ATP13A5: variants seen among roughly 807,000 people sequenced by gnomAD.
The protein encoded by ATP13A5 is probable cation-transporting ATPase 13A5.
Under a neutral mutation model 150.2 loss-of-function variants are expected in ATP13A5, and 149 were observed. That is an observed-to-expected ratio of 0.99 (90% CI 0.87 to 1.14). The LOEUF is 1.14. ATP13A5 is among the 50% of genes most tolerant of loss of function. The pLI is 0.00. For missense variants in ATP13A5, 1,383 were observed against 1,449.3 expected, an observed-to-expected ratio of 0.95 and a Z score of 0.74; for synonymous variants, 497 against 522.2, an observed-to-expected ratio of 0.95 and a Z score of 0.66.
At chr3:193,318,510 C>T (rs1260062753) in intron 17 of ATP13A5, among the ~76,000 whole-genome samples, 1 of 152,132 alleles carries the variant, frequency 6.6e-6, no homozygotes, top group African/African-American at 2.4e-5. Context: ...GCCCTTGTTA[C>T]CTTCACAGAT....
Position 193,364,220 on chromosome 3 carries a change from G to T in ATP13A5, c.124C>A (p.Leu42Met), listed in dbSNP as rs76759970. The T allele has an allele frequency of 3.4e-4, 545 of 1,614,132 alleles. 2 individuals are homozygous for T. The East Asian group carries it at 0.011, about 31-fold the overall frequency. ...RKAFCLVASV[L>M]TCGGLLLVFY... ...ACCAGCAGAAGGCCCCCACAGGTCA[G>T]CACGGATGCGACAAGGCAGAAGGCT... is the stretch of plus-strand genomic sequence containing the variant. Residue 42 changes from leucine to methionine, a missense_variant, in exon 2 of 30, where the codon CTG becomes ATG. This residue lies in a region of ATP13A5 where 787 missense variants were observed against 771.9 expected (regional missense o/e 1.02). Transcript: ENST00000342358.
Position 193,314,048 on chromosome 3 carries a change from A to G in ATP13A5, c.2304T>C (p.Thr768=). The change falls in exon 19 of 30, where the codon ACT becomes ACC. Residue 768 remains threonine, a synonymous_variant. Coordinates refer to ENST00000342358, the MANE Select transcript of ATP13A5 (RefSeq NM_198505.4). The part of the protein sequence containing the change: ...VTWQLVENQE[T]GPGKKEIYMH... ...ATTTGCTCACTTTCTTCCCAGGTCC[A>G]GTCTCTTGGTTCTCCACCAGCTGCC... The G allele has an allele frequency of 6.2e-7, 1 of 1,613,334 alleles. No individual in the cohort carries two copies. Among genetic ancestry groups the G allele is most frequent in the South Asian group, 1.1e-5 (1 of 91,046 alleles).
At chr3:193,360,687 T>A (rs1330061651) in intron 5 of ATP13A5, among the ~76,000 whole-genome samples, 3 of 152,064 alleles carry the variant, frequency 2.0e-5, no homozygotes, top group Non-Finnish European at 4.4e-5. Context: ...TGGATCAGAT[T>A]TTTTTTTGTG....
In ATP13A5 at chr3:193,362,750, C is replaced by CTTCTTTCTTTCT. The variant is rs751840109; in HGVS notation, c.385-125_385-114dup. 9.0e-4 allele frequency: 568 copies of CTTCTTTCTTTCT among 633,184 alleles called. 35 individuals carry two copies. Among genetic ancestry groups the CTTCTTTCTTTCT allele is most frequent in the East Asian group, 3.5e-3 (90 of 25,866 alleles). 39.2% of individuals were successfully genotyped at this position (633,184 alleles called of 1,614,324 possible). On this transcript the variant is annotated intron_variant, in intron 3 of 29. Coordinates refer to ENST00000342358, the MANE Select transcript of ATP13A5 (RefSeq NM_198505.4). ...CCCCTTGTGGGTCTCACTTGCTTTC[C>CTTCTTTCTTTCT]TTCTTTCTTTCTTTCTTTCTTTCTT...
chr3:193,275,259 C>A lies in ATP13A5; in HGVS notation c.3440G>T (p.Arg1147Ile). The change falls in exon 30 of 30, where the codon AGA (arginine) becomes ATA (isoleucine). Residue 1147 changes from arginine (R) to isoleucine (I), a missense_variant. Arg to Ile is a moderately conservative substitution (Grantham distance 97, BLOSUM62 -3). Around this residue, in one of 3 missense-constraint regions of ATP13A5, gnomAD observed 568 missense variants for 621.5 expected, o/e 0.91. Transcript: ENST00000342358. ...QNHELWLLIK[R>I]EFGFYSKSQY... The stretch of plus-strand genomic sequence containing the variant: ...ACTTTTAGAGTAGAATCCAAATTCT[C>A]TTTTGATCAACAGCCAGAGTTCATG... 1.2e-6 allele frequency: 2 copies of A among 1,614,014 alleles called. No individual in the cohort carries two copies. The highest frequency in any genetic ancestry group is 1.7e-6 in the Non-Finnish European group (2 of 1,180,026).
At chr3:193,313,957 G>GAGAGAAGGCTGAGCAGTGCC (rs1718946262) in intron 19 of ATP13A5, 76 bp downstream of exon 19, 2 of 1,500,284 alleles carry the variant, frequency 1.3e-6, no homozygotes, top group Non-Finnish European at 1.8e-6. Context: ...TCCTGGAGTT[G>GAGAGAAGGCTGAGCAGTGCC]AGAGAAGGCT....
At chr3:193,354,827 T>C (rs1223462044) in intron 5 of ATP13A5, among the ~76,000 whole-genome samples, 7 of 151,730 alleles carry the variant, frequency 4.6e-5, no homozygotes, top group African/African-American at 1.5e-4. Flanking sequence ...CATTTGATCC[T>C]CACAATAGTC....
chr3:193,336,347 A>C (rs1257327015), intron 9 of ATP13A5, among the ~76,000 whole-genome samples: 1 of 152,036 alleles, frequency 6.6e-6, no homozygotes, highest in African/African-American at 2.4e-5. Flanking sequence ...ATTAAATCAT[A>C]ATTTACATTA....
chr3:193,354,018 T>C, intron 6 of ATP13A5, 109 bp downstream of exon 6: 2 of 851,044 alleles, frequency 2.4e-6, no homozygotes, highest in South Asian at 2.1e-5. Context: ...AGAAGTCGCA[T>C]GAAACAAGAT....
chr3:193,290,843 C>T (rs1006884720), intron 25 of ATP13A5, among the ~76,000 whole-genome samples: 3 of 152,042 alleles, frequency 2.0e-5, no homozygotes, highest in South Asian at 2.1e-4. Flanking sequence ...AATGTATTTG[C>T]TTCTCAAGGC....
intron 9 of ATP13A5, among the ~76,000 whole-genome samples, chr3:193,336,254 C>A (rs980833485): frequency 1.3e-5 from 2 of 151,778 alleles, no homozygotes; most frequent in African/African-American, 4.8e-5. Flanking sequence ...TTATTTTATT[C>A]TACTTTATAT....
chr3:193,332,982 G>C (rs1044134610), intron 11 of ATP13A5, among the ~76,000 whole-genome samples: 1 of 151,998 alleles, frequency 6.6e-6, no homozygotes, highest in Non-Finnish European at 1.5e-5. Context: ...CTCTTCACAG[G>C]CCCCATCGTG....
intron 1 of ATP13A5, among the ~76,000 whole-genome samples, chr3:193,370,333 C>G (rs1713396135): frequency 6.6e-6 from 1 of 152,180 alleles, no homozygotes; most frequent in South Asian, 2.1e-4. Flanking sequence ...TATACCCCAC[C>G]CTGTTGCCTT....
At chr3:193,289,029 T>C (rs1560115412) in intron 26 of ATP13A5, among the ~76,000 whole-genome samples, 1 of 152,188 alleles carries the variant, frequency 6.6e-6, no homozygotes, top group African/African-American at 2.4e-5. Context: ...TCTATATTCC[T>C]AGTTATACTT....
At chr3:193,369,501 A>G (rs1394798442) in intron 1 of ATP13A5, among the ~76,000 whole-genome samples, 1 of 152,200 alleles carries the variant, frequency 6.6e-6, no homozygotes, top group African/African-American at 2.4e-5. Flanking sequence ...GAGGAAAATT[A>G]GATTGTATAA....
At chr3:193,305,729 C>T (rs539409010) in intron 22 of ATP13A5, 61 bp from the exon 23 acceptor site, 4 of 1,346,890 alleles carry the variant, frequency 3.0e-6, no homozygotes, top group Non-Finnish European at 4.3e-6. Context: ...CCTCTTAAAA[C>T]ACCAAGAGGC....
At chr3:193,289,545 C>A (rs1175314419) in intron 26 of ATP13A5, among the ~76,000 whole-genome samples, 1 of 152,138 alleles carries the variant, frequency 6.6e-6, no homozygotes, top group African/African-American at 2.4e-5. Flanking sequence ...CTAGCTGCAA[C>A]TGAGGCCATG....
chr3:193,351,668 C>T (rs141547912), intron 6 of ATP13A5, among the ~76,000 whole-genome samples: 1 of 152,216 alleles, frequency 6.6e-6, no homozygotes, highest in Non-Finnish European at 1.5e-5. Flanking sequence ...TTATTCAGGT[C>T]ATTTAAAAAT....
At position 193,324,749 on chromosome 3, in the gene ATP13A5, TTATA is replaced by T. The variant is rs1719410279; in HGVS notation, c.1674+111_1674+114del. 7 of 1,179,926 alleles carry T rather than the reference TTATA, an allele frequency of 5.9e-6. No individual in the cohort carries two copies. The East Asian group carries it at 9.5e-5, about 16-fold the overall frequency. The allele number at this position is 1,179,926 out of a possible 1,614,324, so 73.1% of individuals were successfully genotyped here. On this transcript the variant is annotated intron_variant, in intron 14 of 29. Transcript: ENST00000342358. ...GGGAAGTTCTGGTAGTGTTACACGC[TTATA>T]CATACATTATTATGAACCTTCTCTG...
Sources: gnomAD v4.1 joint callset for allele counts (sites outside exome capture counted in the v4.1 genomes callset) on GRCh38, gnomAD v4.1.1 for gene constraint, gnomAD v4.1.1 regional missense constraint, MANE v1.5 for transcripts, NCBI Gene and HGNC (gene_info 2026-07-23, HGNC 2026-07-21) for gene names.